Variants in SATL1 observed in about 807,000 individuals in gnomAD.
SATL1 encodes spermidine/spermine N1-acetyl transferase like 1.
Under a neutral mutation model 51.8 loss-of-function variants are expected in SATL1, and 47 were observed. The ratio of observed to expected loss-of-function variants is 0.91; its 90% CI spans 0.72 to 1.16. SATL1 has a LOEUF of 1.16. Among genes scored for constraint, SATL1 ranks in the 50% most tolerant of loss-of-function variants. The pLI, the probability that SATL1 is intolerant of heterozygous loss-of-function variation, is 0.00. For synonymous variants in SATL1, 176 were observed against 182.4 expected, an observed-to-expected ratio of 0.97 and a Z score of 0.28; for missense variants, 520 against 526.4, an observed-to-expected ratio of 0.99 and a Z score of 0.12.
intron 2 of SATL1, among the ~76,000 whole-genome samples, chrX:85,150,031 T>C (rs1382230300): frequency 9.0e-6 from 1 of 110,952 alleles, no homozygotes; most frequent in Non-Finnish European, 1.9e-5. Flanking sequence ...CAGGATCTGG[T>C]TTTTTGAAAG....
chrX:85,187,376 G>A (rs1162138106), intron 2 of SATL1, among the ~76,000 whole-genome samples: 2 of 111,401 alleles, frequency 1.8e-5, no homozygotes, highest in Non-Finnish European at 3.8e-5. Flanking sequence ...GAGTAAGAGT[G>A]GTGAGAGTGG....
At chrX:85,121,464 A>G (rs191020722) in intron 2 of SATL1, among the ~76,000 whole-genome samples, 104 of 103,742 alleles carry the variant, frequency 1.0e-3, no homozygotes, top group Non-Finnish European at 1.8e-3. Flanking sequence ...TATATATGCT[A>G]TATTTATATA....
intron 2 of SATL1, among the ~76,000 whole-genome samples, chrX:85,178,279 A>C (rs769279845): frequency 1.8e-5 from 2 of 111,614 alleles, no homozygotes; most frequent in African/African-American, 6.5e-5. Context: ...GTTCATTCCC[A>C]AGAATGCCAA....
chrX:85,197,743 C>G (rs192849746), intron 2 of SATL1, among the ~76,000 whole-genome samples: 1 of 104,531 alleles, frequency 9.6e-6, no homozygotes, highest in Non-Finnish European at 1.9e-5. Flanking sequence ...TGAGAACATG[C>G]GGTGTTTGGT....
At chrX:85,146,341 T>C (rs1926239036) in intron 2 of SATL1, among the ~76,000 whole-genome samples, 1 of 111,922 alleles carries the variant, frequency 8.9e-6, no homozygotes. Context: ...TATAATTAGA[T>C]TATTGGTAAC....
intron 2 of SATL1, among the ~76,000 whole-genome samples, chrX:85,197,281 A>C (rs955229962): frequency 9.9e-5 from 11 of 111,480 alleles, no homozygotes; most frequent in Non-Finnish European, 2.1e-4. Context: ...TATATGAGCT[A>C]TTTTGATACA....
Position 85,101,667 on chromosome X carries a change from C to T in SATL1, c.1693+2197G>A, listed in dbSNP as rs193262080. Among the ~76,000 whole-genome samples, 4 of 111,891 alleles carry T rather than the reference C, an allele frequency of 3.6e-5. No homozygotes were observed. The Admixed American group carries it at 3.8e-4, about 11-fold the overall frequency. ...AAATTATCATATGATCCAGCTATTC[C>T]ACTTTTAGGTACGTGCCCAAAATAA... On this transcript the variant is annotated intron_variant, in intron 4 of 7. Transcript: ENST00000644105.
intron 2 of SATL1, among the ~76,000 whole-genome samples, chrX:85,112,333 C>G: frequency 1.6e-5 from 1 of 63,870 alleles, no homozygotes; most frequent in East Asian, 5.3e-4. Flanking sequence ...GCCTGGGTAA[C>G]AGAATCAGAC....
intron 2 of SATL1, among the ~76,000 whole-genome samples, chrX:85,130,521 T>A (rs1342665249): frequency 8.9e-6 from 1 of 111,753 alleles, no homozygotes; most frequent in Non-Finnish European, 1.9e-5. Context: ...ATTGCATCTA[T>A]TTGATTCTTC....
At chrX:85,227,499 T>A (rs1414316154) in intron 1 of SATL1, among the ~76,000 whole-genome samples, 1 of 112,121 alleles carries the variant, frequency 8.9e-6, no homozygotes, top group African/African-American at 3.2e-5. Context: ...GGACATTATG[T>A]GCCTCTTGAT....
chrX:85,145,050 T>TAAATA (rs1054128631), intron 2 of SATL1, among the ~76,000 whole-genome samples: 7 of 109,211 alleles, frequency 6.4e-5, no homozygotes, highest in East Asian at 2.9e-4. Context: ...AAAAATAAAA[T>TAAATA]AAATAAAATA....
At chrX:85,189,072 C>A (rs955556628) in intron 2 of SATL1, among the ~76,000 whole-genome samples, 2 of 112,487 alleles carry the variant, frequency 1.8e-5, no homozygotes, top group Non-Finnish European at 3.8e-5. Context: ...ATACTAAATT[C>A]TTTCATGCTG....
chrX:85,162,359 C>A (rs1259303941), intron 2 of SATL1, among the ~76,000 whole-genome samples: 1 of 111,100 alleles, frequency 9.0e-6, no homozygotes, highest in African/African-American at 3.3e-5. Context: ...AAAGATCAAT[C>A]AGTGCCACTG....
chrX:85,098,564 A>G (rs928485114), intron 4 of SATL1, among the ~76,000 whole-genome samples: 1 of 112,078 alleles, frequency 8.9e-6, no homozygotes, highest in Non-Finnish European at 1.9e-5. Context: ...TAGGTCACAT[A>G]CCAAGTCTTA....
intron 2 of SATL1, among the ~76,000 whole-genome samples, chrX:85,143,971 G>C (rs1352437436): frequency 8.9e-6 from 1 of 111,776 alleles, no homozygotes; most frequent in African/African-American, 3.3e-5. Context: ...GAAAGAAATG[G>C]CCAAAGAAAT....
intron 4 of SATL1, 25 bp from the exon 5 acceptor site, chrX:85,095,021 A>G: frequency 1.1e-6 from 1 of 899,725 alleles, no homozygotes; most frequent in Non-Finnish European, 1.6e-6. Flanking sequence ...CATATATAGG[A>G]TGTCAGAAAG....
chrX:85,197,624 T>C (rs1029618530), intron 2 of SATL1, among the ~76,000 whole-genome samples: 1 of 107,997 alleles, frequency 9.3e-6, no homozygotes, highest in African/African-American at 3.4e-5. Flanking sequence ...ATTAGGTACA[T>C]CTCCTAATGC....
chrX:85,209,975 C>T (rs1927877127), intron 2 of SATL1: 1 of 110,198 alleles, frequency 9.1e-6, no homozygotes, highest in Non-Finnish European at 1.9e-5. Context: ...ACATTTAGTG[C>T]TATAAATGTC....
At chrX:85,109,423 G>A in intron 2 of SATL1, 143 bp from the exon 3 acceptor site, 1 of 158,988 alleles carries the variant, frequency 6.3e-6, no homozygotes, top group Admixed American at 7.2e-5. Flanking sequence ...CGTGTGGTGA[G>A]GGTGGGGCAA....
Sources: gnomAD v4.1 joint callset for allele counts (sites outside exome capture counted in the v4.1 genomes callset) on GRCh38, gnomAD v4.1.1 for gene constraint, MANE v1.5 for transcripts, NCBI Gene and HGNC (gene_info 2026-07-23, HGNC 2026-07-21) for gene names.